The following DAB1 variants were observed in gnomAD, a reference collection of about 807,000 sequenced individuals.
DAB1 encodes disabled homolog 1.
In DAB1, 15 loss-of-function variants were observed where a neutral mutation model predicts 64.6. That is an observed-to-expected ratio of 0.23 (90% CI 0.16 to 0.36). The LOEUF (loss-of-function observed/expected upper bound fraction) is 0.36, where lower values mean the gene tolerates loss of function less well. Among genes scored for constraint, DAB1 ranks in the 10% least tolerant of loss-of-function variants. The pLI, the probability that DAB1 is intolerant of heterozygous loss-of-function variation, is 1.00. For missense variants in DAB1, 596 were observed against 706.7 expected, an observed-to-expected ratio of 0.84 and a Z score of 1.78; for synonymous variants, 235 against 251.9, an observed-to-expected ratio of 0.93 and a Z score of 0.64.
Position 57,964,558 on chromosome 1 carries a change from G to T in DAB1, n.388-80396C>A, listed in dbSNP as rs573258009. Among the ~76,000 whole-genome samples, 5 of 152,236 alleles carry T rather than the reference G, an allele frequency of 3.3e-5. No individual in the cohort carries two copies. The South Asian group carries it at 1.0e-3, about 32-fold the overall frequency. Reference sequence around the variant, plus strand: ...GTAAATAAATGGATGAGTATTTACCGAGTGTCTATAATGTGAGGCACTACT... The same window carrying T: ...GTAAATAAATGGATGAGTATTTACCTAGTGTCTATAATGTGAGGCACTACT... On this transcript the variant is annotated intron_variant and non_coding_transcript_variant, in intron 5 of 20. Transcript: ENST00000485760.
chr1:58,137,661 A>AGTGTCTACT (rs1434754030), intron 5 of DAB1, among the ~76,000 whole-genome samples: 1 of 152,140 alleles, frequency 6.6e-6, no homozygotes, highest in Non-Finnish European at 1.5e-5. Context: ...ACTCCAGCCA[A>AGTGTCTACT]GTGTCTACTC....
chr1:57,651,549 G>A (rs2101655637), intron 6 of DAB1, among the ~76,000 whole-genome samples: 1 of 151,998 alleles, frequency 6.6e-6, no homozygotes, highest in African/African-American at 2.4e-5. Context: ...TCCCATTTTT[G>A]TCCTTTAAGA....
At chr1:57,413,946 G>A (rs1684308026) in intron 1 of DAB1, among the ~76,000 whole-genome samples, 1 of 152,094 alleles carries the variant, frequency 6.6e-6, no homozygotes, top group African/African-American at 2.4e-5. Flanking sequence ...AATTAGAAGT[G>A]GAGCCTGAAA....
intron 5 of DAB1, among the ~76,000 whole-genome samples, chr1:58,052,884 A>G (rs1647777477): frequency 6.6e-6 from 1 of 152,224 alleles, no homozygotes; most frequent in Admixed American, 6.5e-5. Context: ...ACAATTCTGC[A>G]GTCTGTACAA....
At position 57,267,323 on chromosome 1, in the gene DAB1, T is replaced by A. The variant is rs535676443; in HGVS notation, c.67+23641A>T. Among the ~76,000 whole-genome samples, 143 of 152,192 alleles carry A rather than the reference T, an allele frequency of 9.4e-4. 1 individual carries two copies. Among genetic ancestry groups the A allele is most frequent in the Non-Finnish European group, 1.8e-3 (124 of 68,020 alleles). Reference sequence around the variant, plus strand: ...TGTGGACTTCTGGCCTCCAGAACGCTGAGAAAGTACATTTCTGTTATTTTA... The same window carrying A: ...TGTGGACTTCTGGCCTCCAGAACGCAGAGAAAGTACATTTCTGTTATTTTA... On this transcript the variant is annotated intron_variant, in intron 2 of 14. Transcript: ENST00000371236.
intron 6 of DAB1, among the ~76,000 whole-genome samples, chr1:57,721,043 A>C (rs1163524917): frequency 6.6e-6 from 1 of 152,162 alleles, no homozygotes; most frequent in African/African-American, 2.4e-5. Context: ...TATTGATGTT[A>C]TAATTTTCTA....
intron 3 of DAB1, among the ~76,000 whole-genome samples, chr1:58,368,739 A>G (rs570895158): frequency 2.0e-5 from 3 of 152,274 alleles, no homozygotes; most frequent in Admixed American, 1.3e-4. Flanking sequence ...TCCAACTGCC[A>G]GTATCTGCAA....
At chr1:57,080,756 G>GCACACACA (rs71801142) in intron 4 of DAB1, among the ~76,000 whole-genome samples, 70 of 143,374 alleles carry the variant, frequency 4.9e-4, no homozygotes, top group African/African-American at 1.9e-3. Context: ...ACACACACAC[G>GCACACACA]CACACACACA....
intron 6 of DAB1, among the ~76,000 whole-genome samples, chr1:57,667,212 T>C (rs1267333449): frequency 1.3e-5 from 2 of 152,188 alleles, no homozygotes; most frequent in Non-Finnish European, 2.9e-5. Flanking sequence ...TCTTCATTAT[T>C]GGAGGATCTT....
chr1:58,471,402 T>C lies in DAB1; in HGVS notation n.257+34658A>G, dbSNP rs1038121190. On this transcript the variant is annotated intron_variant and non_coding_transcript_variant, in intron 3 of 20. Transcript: ENST00000485760. ...TTCATCAGATCTAGTTACACACCTGTTCCTAGACCTGGCCCTGGCTTAGGT... is the reference window on the plus strand; with the variant it reads ...TTCATCAGATCTAGTTACACACCTGCTCCTAGACCTGGCCCTGGCTTAGGT... 2.0e-5 allele frequency among the ~76,000 whole-genome samples: 3 copies of C among 152,220 alleles called. No individual in the cohort carries two copies. The South Asian group carries it at 6.2e-4, about 32-fold the overall frequency.
intron 4 of DAB1, among the ~76,000 whole-genome samples, chr1:58,223,952 T>C (rs1659320077): frequency 6.6e-6 from 1 of 152,210 alleles, no homozygotes; most frequent in South Asian, 2.1e-4. Flanking sequence ...TCCCTAGCTT[T>C]TTACCTTGGC....
At chr1:57,485,920 G>A (rs57951998) in intron 7 of DAB1, among the ~76,000 whole-genome samples, 6 of 152,230 alleles carry the variant, frequency 3.9e-5, no homozygotes, top group East Asian at 1.9e-4. Context: ...TAAGGCGGCC[G>A]TTCACTGAAG....
chr1:57,488,717 T>G (rs990007254), intron 7 of DAB1, among the ~76,000 whole-genome samples: 2 of 151,762 alleles, frequency 1.3e-5, no homozygotes, highest in African/African-American at 2.4e-5. Context: ...AAAATAAAAA[T>G]TATATAGGTG....
chr1:57,067,978 G>A (rs1651087064), intron 8 of DAB1, among the ~76,000 whole-genome samples: 1 of 152,158 alleles, frequency 6.6e-6, no homozygotes, highest in South Asian at 2.1e-4. Context: ...TAGTTGGTAA[G>A]AGAGCCTGGA....
At chr1:57,800,394 A>G (rs1651067817) in intron 6 of DAB1, among the ~76,000 whole-genome samples, 2 of 152,192 alleles carry the variant, frequency 1.3e-5, no homozygotes, top group South Asian at 4.1e-4. Context: ...AGAGCTTCAC[A>G]TTGCTTGCAA....
intron 7 of DAB1, among the ~76,000 whole-genome samples, chr1:57,495,349 A>T (rs1644217951): frequency 6.6e-6 from 1 of 152,210 alleles, no homozygotes; most frequent in East Asian, 1.9e-4. Context: ...AGTAAGAAAT[A>T]TCTTAGATGC....
intron 2 of DAB1, among the ~76,000 whole-genome samples, chr1:57,218,624 G>T (rs1666622914): frequency 6.6e-6 from 1 of 151,864 alleles, no homozygotes. Context: ...GAGCGTGGGA[G>T]GTCTAGGCTG....
chr1:58,119,169 CTT>C (rs756611242), intron 5 of DAB1, among the ~76,000 whole-genome samples: 6 of 151,926 alleles, frequency 3.9e-5, no homozygotes, highest in Non-Finnish European at 7.4e-5. Context: ...TCTGCAATCT[CTT>C]GTCTGAATTA....
chr1:57,506,193 A>C (rs1329651760), intron 7 of DAB1, among the ~76,000 whole-genome samples: 1 of 152,210 alleles, frequency 6.6e-6, no homozygotes, highest in Admixed American at 6.5e-5. Flanking sequence ...TTAAGAAATA[A>C]AAGAAGAAAA....
Sources: gnomAD v4.1 joint callset for allele counts (sites outside exome capture counted in the v4.1 genomes callset) on GRCh38, gnomAD v4.1.1 for gene constraint, MANE v1.5 for transcripts, NCBI Gene and HGNC (gene_info 2026-07-23, HGNC 2026-07-21) for gene names.